The following RFX4 variants were observed in gnomAD, a reference collection of about 807,000 sequenced individuals.
RFX4 encodes transcription factor RFX4.
Under a neutral mutation model 95.0 loss-of-function variants are expected in RFX4, and 10 were observed. That is an observed-to-expected ratio of 0.11 (90% CI 0.06 to 0.18). RFX4 has a LOEUF of 0.18. RFX4 is among the 10% of genes least tolerant of loss of function. The pLI is 1.00. For missense variants in RFX4, 640 were observed against 922.0 expected (o/e 0.69, Z 3.96); for synonymous variants, 321 against 340.7 (o/e 0.94, Z 0.64).
At chr12:106,641,543 A>G (rs1402663221) in intron 3 of RFX4, among the ~76,000 whole-genome samples, 1 of 152,148 alleles carries the variant, frequency 6.6e-6, no homozygotes, top group African/African-American at 2.4e-5. Context: ...TTCTCCTTCT[A>G]TGGTACCTAA....
rs370167860 is a variant in RFX4, at chr12:106,722,590, C to T, written c.1351+1714C>T. 3.9e-5 allele frequency among the ~76,000 whole-genome samples: 6 copies of T among 152,226 alleles called. No individual in the cohort carries two copies. The East Asian group carries it at 7.7e-4, about 20-fold the overall frequency. On this transcript the variant is annotated intron_variant, in intron 13 of 17. Coordinates refer to ENST00000392842, the MANE Select transcript of RFX4 (RefSeq NM_213594.3). ...TCTTTTGGGATAGATATACTGGAAACTCAGGCAAATGGCAAAAAAAGATGA... is the reference window on the plus strand; with the variant it reads ...TCTTTTGGGATAGATATACTGGAAATTCAGGCAAATGGCAAAAAAAGATGA...
chr12:106,660,801 A>G (rs914427978), intron 4 of RFX4, among the ~76,000 whole-genome samples: 1 of 152,030 alleles, frequency 6.6e-6, no homozygotes, highest in African/African-American at 2.4e-5. Flanking sequence ...GTGGCATTAG[A>G]TTTTCACAGG....
rs865805597 is a variant in RFX4 at position 106,698,709 on chromosome 12, T to A, written c.833+2263T>A. On this transcript the variant is annotated intron_variant, in intron 8 of 17. Transcript: ENST00000392842. Reference sequence around the variant, plus strand: ...GTGTTCCCTCTCTTCTTTTTTTTTTTAATTCATAATATTTTCTTATTATCC... The same window carrying A: ...GTGTTCCCTCTCTTCTTTTTTTTTTAAATTCATAATATTTTCTTATTATCC... Among the ~76,000 whole-genome samples the A allele has an allele frequency of 1.3e-4, 20 of 152,086 alleles. No homozygotes were observed. The South Asian group carries it at 2.9e-3, about 22-fold the overall frequency.
At chr12:106,688,769 ATT>A (rs34245956) in intron 6 of RFX4, among the ~76,000 whole-genome samples, 21 of 150,360 alleles carry the variant, frequency 1.4e-4, no homozygotes, top group African/African-American at 4.9e-4. Flanking sequence ...GGGGAGATTA[ATT>A]TTTTTTTTTA....
rs1443795120 is a variant in RFX4 at position 106,687,182 on chromosome 12, T to TCTCTCA, written c.591+86_591+87insTCTCAC. The TCTCTCA allele has an allele frequency of 6.2e-3, 3,379 of 546,606 alleles. 15 individuals are homozygous for TCTCTCA. Among genetic ancestry groups the TCTCTCA allele is most frequent in the African/African-American group, 0.02 (957 of 47,178 alleles). 33.9% of individuals were successfully genotyped at this position (546,606 alleles called of 1,614,324 possible). On this transcript the variant is annotated intron_variant, in intron 6 of 17. Transcript: ENST00000392842. The stretch of plus-strand genomic sequence containing the variant: ...CTCTGTCTCTATCTCTCTCTCTCTC[T>TCTCTCA]CACACACACACACACACACACACAC...
chr12:106,732,951 C>T lies in RFX4; in HGVS notation c.1499C>T (p.Thr500Ile), dbSNP rs767242211. ...TAEVREEIIL[T>I]EAAAPTPSPV... The stretch of plus-strand genomic sequence containing the variant: ...GAAGTCCGAGAAGAGATCATCTTGA[C>T]AGAGGCTGCCGCACCAACCCCTTCA... Residue 500 changes from threonine to isoleucine, a missense_variant, in exon 15 of 18, where the codon ACA becomes ATA. Physicochemically the swap from Thr to Ile is moderately conservative, Grantham distance 89 (BLOSUM62 -1). Around this residue, in one of 7 missense-constraint regions of RFX4, gnomAD observed 300 missense variants for 346.8 expected, o/e 0.87. Transcript: ENST00000392842. 6.2e-7 allele frequency: 1 copy of T among 1,614,020 alleles called. No individual in the cohort carries two copies. The highest frequency in any genetic ancestry group is 8.5e-7 in the Non-Finnish European group (1 of 1,180,004).
At chr12:106,753,779 T>C (rs764830295) in intron 17 of RFX4, among the ~76,000 whole-genome samples, 7 of 152,174 alleles carry the variant, frequency 4.6e-5, no homozygotes, top group Non-Finnish European at 8.8e-5. Flanking sequence ...ACTGAGCAGA[T>C]GAGTACATGG....
At chr12:106,594,282 A>G (rs1340296390) in intron 1 of RFX4, among the ~76,000 whole-genome samples, 1 of 152,170 alleles carries the variant, frequency 6.6e-6, no homozygotes, top group Admixed American at 6.5e-5. Flanking sequence ...TAAAACTTTT[A>G]AGCTTTGGAG....
chr12:106,610,326 A>G (rs2039935897), intron 2 of RFX4, among the ~76,000 whole-genome samples: 1 of 152,060 alleles, frequency 6.6e-6, no homozygotes, highest in Non-Finnish European at 1.5e-5. Context: ...CATAAAATTT[A>G]GTATTTAATC....
intron 2 of RFX4, among the ~76,000 whole-genome samples, chr12:106,624,255 C>G (rs1439482525): frequency 1.3e-5 from 2 of 152,222 alleles, no homozygotes; most frequent in Non-Finnish European, 2.9e-5. Flanking sequence ...GGACTGACCA[C>G]AGGTCAAATC....
intron 2 of RFX4, among the ~76,000 whole-genome samples, chr12:106,627,060 T>C (rs985746795): frequency 2.0e-5 from 3 of 152,178 alleles, no homozygotes; most frequent in Non-Finnish European, 4.4e-5. Flanking sequence ...ACTGCCATTC[T>C]CCTGTCTTAC....
At chr12:106,736,796 A>G (rs1592999067) in intron 15 of RFX4, among the ~76,000 whole-genome samples, 1 of 151,554 alleles carries the variant, frequency 6.6e-6, no homozygotes. Flanking sequence ...GGCCACCCCC[A>G]CCTCTCATGG....
At chr12:106,709,562 T>A in intron 9 of RFX4, 132 bp downstream of exon 9, 1 of 603,692 alleles carries the variant, frequency 1.7e-6, no homozygotes, top group South Asian at 2.4e-5. Flanking sequence ...TTATACTAAT[T>A]ACTTTACATA....
chr12:106,685,007 C>A, intron 5 of RFX4: 1 of 1,562,546 alleles, frequency 6.4e-7, no homozygotes, highest in South Asian at 1.2e-5. Flanking sequence ...AATGCCTTCT[C>A]ATCTGTATGA....
chr12:106,714,068 CAAAAA>C (rs58283896), intron 10 of RFX4, among the ~76,000 whole-genome samples: 3 of 30,526 alleles, frequency 9.8e-5, no homozygotes, highest in Non-Finnish European at 1.8e-4. Flanking sequence ...AACTCCATCT[CAAAAA>C]AAAAAAAAAA....
At chr12:106,741,956 G>A (rs1372404085) in intron 15 of RFX4, among the ~76,000 whole-genome samples, 2 of 152,176 alleles carry the variant, frequency 1.3e-5, no homozygotes, top group Non-Finnish European at 2.9e-5. Context: ...TCTGATAGGA[G>A]GCAGAGCTCA....
chr12:106,741,251 C>T (rs751317524), intron 15 of RFX4, among the ~76,000 whole-genome samples: 25 of 152,034 alleles, frequency 1.6e-4, no homozygotes, highest in Non-Finnish European at 1.6e-4. Flanking sequence ...ACTGGCACTC[C>T]AGCCTGCATG....
rs147428590 is a variant in RFX4 at position 106,699,572 on chromosome 12, G to C, written c.833+3126G>C. ...TTTGCTTCATGTATTTTGAAGCTCT[G>C]ATGTTAAATGCATACAAATTAGAAC... On this transcript the variant is annotated intron_variant, in intron 8 of 17. Transcript: ENST00000392842. 2.8e-3 allele frequency among the ~76,000 whole-genome samples: 428 copies of C among 152,246 alleles called. 1 individual carries two copies. Among genetic ancestry groups the C allele is most frequent in the African/African-American group, 9.5e-3 (394 of 41,562 alleles).
chr12:106,675,422 TC>T (rs1324161250), intron 4 of RFX4, among the ~76,000 whole-genome samples: 1 of 152,004 alleles, frequency 6.6e-6, no homozygotes, highest in Non-Finnish European at 1.5e-5. Flanking sequence ...CGAGTGAGAC[TC>T]TGTCTCAAAA....
Sources: gnomAD v4.1 joint callset for allele counts (sites outside exome capture counted in the v4.1 genomes callset) on GRCh38, gnomAD v4.1.1 for gene constraint, gnomAD v4.1.1 regional missense constraint, MANE v1.5 for transcripts, NCBI Gene and HGNC (gene_info 2026-07-23, HGNC 2026-07-21) for gene names.